Variants in GTF2F2 observed in about 807,000 individuals in gnomAD.
The protein encoded by GTF2F2 is ATP-dependent helicase GTF2F2.
A neutral mutation model predicts 42.2 loss-of-function variants in GTF2F2; 23 were observed. The ratio of observed to expected loss-of-function variants is 0.55; its 90% CI spans 0.39 to 0.77. The LOEUF (loss-of-function observed/expected upper bound fraction) is 0.77, where lower values mean the gene tolerates loss of function less well. Among genes scored for constraint, GTF2F2 ranks in the 30% least tolerant of loss-of-function variants. GTF2F2 has a pLI of 0.00. For missense variants in GTF2F2, 261 were observed against 287.2 expected, an observed-to-expected ratio of 0.91 and a Z score of 0.66; for synonymous variants, 105 against 100.8, an observed-to-expected ratio of 1.04 and a Z score of -0.25.
At chr13:45,197,615 T>C (rs1383551093) in intron 4 of GTF2F2, among the ~76,000 whole-genome samples, 3 of 152,126 alleles carry the variant, frequency 2.0e-5, no homozygotes, top group Non-Finnish European at 2.9e-5. Context: ...TTATAGGAGT[T>C]CATTGATCAT....
intron 4 of GTF2F2, among the ~76,000 whole-genome samples, chr13:45,196,788 A>G (rs182697561): frequency 2.2e-4 from 33 of 152,284 alleles, no homozygotes; most frequent in Non-Finnish European, 3.2e-4. Flanking sequence ...GGAAGCCCCA[A>G]TGCTGTTGCT....
chr13:45,135,351 C>A (rs911579099), intron 1 of GTF2F2, among the ~76,000 whole-genome samples: 10 of 152,076 alleles, frequency 6.6e-5, no homozygotes, highest in African/African-American at 2.4e-4. Flanking sequence ...CCTCTGCCTC[C>A]CAGGTTCAAG....
At chr13:45,245,290 TA>T (rs1875528328) in intron 5 of GTF2F2, among the ~76,000 whole-genome samples, 1 of 151,772 alleles carries the variant, frequency 6.6e-6, no homozygotes, top group African/African-American at 2.4e-5. Flanking sequence ...AGTTATTCTT[TA>T]AAATTTTTTT....
intron 1 of GTF2F2, among the ~76,000 whole-genome samples, chr13:45,122,669 G>T (rs772418523): frequency 1.3e-5 from 2 of 151,988 alleles, no homozygotes; most frequent in African/African-American, 4.8e-5. Flanking sequence ...AGTGTAATTT[G>T]TTGCTTAGAA....
chr13:45,123,313 C>T (rs1486458042), intron 1 of GTF2F2: 2 of 152,230 alleles, frequency 1.3e-5, no homozygotes, highest in South Asian at 2.1e-4. Context: ...CTGCTAGAAC[C>T]TCCAAAGAAG....
At chr13:45,167,835 G>C (rs1871369661) in intron 4 of GTF2F2, among the ~76,000 whole-genome samples, 1 of 152,112 alleles carries the variant, frequency 6.6e-6, no homozygotes, top group Admixed American at 6.6e-5. Context: ...ACAGGCATGA[G>C]CCACCACGCC....
intron 5 of GTF2F2, among the ~76,000 whole-genome samples, chr13:45,222,374 C>G (rs1332124667): frequency 6.6e-6 from 1 of 152,012 alleles, no homozygotes; most frequent in Non-Finnish European, 1.5e-5. Context: ...GGGCCCTTCC[C>G]TTGTTAAGTT....
intron 4 of GTF2F2, among the ~76,000 whole-genome samples, chr13:45,156,471 T>A (rs1870761597): frequency 6.6e-6 from 1 of 152,210 alleles, no homozygotes; most frequent in South Asian, 2.1e-4. Context: ...GTTCATTAAA[T>A]AAAAATTCAT....
At chr13:45,216,209 C>T (rs780951450) in intron 5 of GTF2F2, among the ~76,000 whole-genome samples, 3 of 152,046 alleles carry the variant, frequency 2.0e-5, no homozygotes, top group Non-Finnish European at 4.4e-5. Flanking sequence ...CAGAGCGAGA[C>T]CCTGTCTCAA....
chr13:45,272,739 T>C (rs936174728), intron 7 of GTF2F2, among the ~76,000 whole-genome samples: 4 of 148,630 alleles, frequency 2.7e-5, no homozygotes, highest in Admixed American at 2.0e-4. Context: ...AGCGAGACCG[T>C]GTCTCAAATA....
At chr13:45,216,117 G>A (rs183298505) in intron 5 of GTF2F2, among the ~76,000 whole-genome samples, 10 of 151,924 alleles carry the variant, frequency 6.6e-5, no homozygotes, top group Admixed American at 5.9e-4. Flanking sequence ...GGTGGTGCAC[G>A]CTGAGGTGGG....
intron 6 of GTF2F2, chr13:45,264,031 A>G (rs892985346): frequency 6.6e-6 from 1 of 152,260 alleles, no homozygotes; most frequent in Non-Finnish European, 1.5e-5. Context: ...TCGTCTTGAT[A>G]AGTAAACAAT....
At chr13:45,162,742 G>A (rs1315826478) in intron 4 of GTF2F2, among the ~76,000 whole-genome samples, 1 of 152,144 alleles carries the variant, frequency 6.6e-6, no homozygotes, top group African/African-American at 2.4e-5. Context: ...TAATATTAAG[G>A]TTTGGAATCA....
intron 2 of GTF2F2, among the ~76,000 whole-genome samples, chr13:45,144,457 C>CTTTTT (rs11326737): frequency 9.5e-5 from 7 of 74,016 alleles, no homozygotes; most frequent in East Asian, 3.9e-4. Flanking sequence ...TTTTTTTGGT[C>CTTTTT]TTTTTTTTTT....
intron 4 of GTF2F2, among the ~76,000 whole-genome samples, chr13:45,199,388 G>A (rs973416162): frequency 6.6e-6 from 1 of 152,130 alleles, no homozygotes; most frequent in Non-Finnish European, 1.5e-5. Flanking sequence ...TCACTACAGA[G>A]GCAATCTTGA....
chr13:45,277,716 T>G (rs1279458195), intron 7 of GTF2F2, among the ~76,000 whole-genome samples: 1 of 152,218 alleles, frequency 6.6e-6, no homozygotes, highest in Non-Finnish European at 1.5e-5. Flanking sequence ...GGAGTTGCAG[T>G]CATTCACACA....
At chr13:45,150,603 TAGTA>T (rs1870438640) in intron 3 of GTF2F2, among the ~76,000 whole-genome samples, 1 of 149,320 alleles carries the variant, frequency 6.7e-6, no homozygotes, top group Non-Finnish European at 1.5e-5. Flanking sequence ...ATATAAAAGA[TAGTA>T]AGACATGATC....
At chr13:45,212,536 CACTT>C (rs1459765599) in intron 5 of GTF2F2, among the ~76,000 whole-genome samples, 33 of 95,424 alleles carry the variant, frequency 3.5e-4, no homozygotes, top group African/African-American at 1.3e-3. Context: ...CTCTCTTTCT[CACTT>C]TCTCTCTCTC....
chr13:45,193,018 A>G (rs969464071), intron 4 of GTF2F2: 3 of 152,160 alleles, frequency 2.0e-5, no homozygotes, highest in African/African-American at 7.2e-5. Flanking sequence ...TCAATGCATA[A>G]TTTTATGCAA....
Sources: gnomAD v4.1 joint callset for allele counts (sites outside exome capture counted in the v4.1 genomes callset) on GRCh38, gnomAD v4.1.1 for gene constraint, MANE v1.5 for transcripts, NCBI Gene and HGNC (gene_info 2026-07-23, HGNC 2026-07-21) for gene names.